Variants in EOGT observed in about 807,000 individuals in gnomAD.
The protein encoded by EOGT is EGF domain-specific O-linked N-acetylglucosamine transferase.
In EOGT, 55 loss-of-function variants were observed where a neutral mutation model predicts 70.5. The observed-to-expected ratio is 0.78, with a 90% CI of 0.63 to 0.98. EOGT has a LOEUF of 0.98. EOGT is among the 50% of genes least tolerant of loss of function. The pLI is 0.00. For synonymous variants in EOGT, 246 were observed against 217.1 expected (o/e 1.13, Z -1.17); for missense variants, 703 against 641.9 (o/e 1.10, Z -1.03).
chr3:68,979,830 A>C, intron 15 of EOGT, 43 bp from the exon 16 acceptor site: 3 of 1,600,950 alleles, frequency 1.9e-6, no homozygotes, highest in Non-Finnish European at 2.6e-6. Context: ...GGGAGAAGAG[A>C]GAAGTATTAG....
chr3:69,013,086 T>C (rs1183492774), intron 1 of EOGT, among the ~76,000 whole-genome samples: 1 of 151,970 alleles, frequency 6.6e-6, no homozygotes, highest in African/African-American at 2.4e-5. Context: ...AGCTGTCCGC[T>C]TGAACGTCAG....
At chr3:69,004,602 T>C in intron 7 of EOGT, 120 bp from the exon 8 acceptor site, 3 of 664,756 alleles carry the variant, frequency 4.5e-6, no homozygotes, top group South Asian at 3.8e-5. Flanking sequence ...AATTTAACTA[T>C]TTACAATAGA....
chr3:69,009,889 T>C, intron 3 of EOGT, 29 bp from the exon 4 acceptor site: 15 of 1,427,310 alleles, frequency 1.1e-5, no homozygotes, highest in Non-Finnish European at 1.4e-5. Context: ...ACAACTTTGT[T>C]AACAAATTTC....
intron 1 of EOGT, among the ~76,000 whole-genome samples, chr3:69,013,305 T>A (rs1364180562): frequency 1.3e-5 from 2 of 151,296 alleles, no homozygotes; most frequent in Admixed American, 6.6e-5. Context: ...GGAAACCTGG[T>A]CAACGCGGCT....
At chr3:68,983,481 G>A (rs563476859) in intron 14 of EOGT, among the ~76,000 whole-genome samples, 132 of 152,344 alleles carry the variant, frequency 8.7e-4, no homozygotes, top group Non-Finnish European at 1.5e-3. Flanking sequence ...ATGGTTCTCT[G>A]TCCCTCACAA....
intron 13 of EOGT, 25 bp from the exon 14 acceptor site, chr3:68,987,538 A>G (rs1457020158): frequency 1.9e-6 from 3 of 1,546,216 alleles, no homozygotes; most frequent in Non-Finnish European, 2.7e-6. Context: ...AAACGGTAAA[A>G]TAACACTGCA....
intron 12 of EOGT, 57 bp from the exon 13 acceptor site, chr3:68,988,438 A>G: frequency 6.7e-7 from 1 of 1,492,388 alleles, no homozygotes; most frequent in Non-Finnish European, 9.0e-7. Context: ...ATAATTTAAG[A>G]TACTGTCAAC....
chr3:68,986,921 G>C (rs1381015445), intron 14 of EOGT, among the ~76,000 whole-genome samples: 1 of 152,178 alleles, frequency 6.6e-6, no homozygotes, highest in Non-Finnish European at 1.5e-5. Context: ...GCTATCTTCA[G>C]GCCATGATGT....
At chr3:68,992,422 T>C (rs915789577) in intron 10 of EOGT, among the ~76,000 whole-genome samples, 3 of 152,214 alleles carry the variant, frequency 2.0e-5, no homozygotes, top group African/African-American at 2.4e-5. Context: ...AGCTCCAGAA[T>C]GATCTCCTTT....
chr3:69,009,615 G>A, intron 4 of EOGT, 22 bp downstream of exon 4: 1 of 1,580,178 alleles, frequency 6.3e-7, no homozygotes. Flanking sequence ...ATAAAAATAA[G>A]GAGAAAAGAA....
chr3:68,997,579 G>GTCTC (rs2091185778), intron 10 of EOGT, among the ~76,000 whole-genome samples: 1 of 152,152 alleles, frequency 6.6e-6, no homozygotes, highest in Non-Finnish European at 1.5e-5. Context: ...ATGTTGGCCA[G>GTCTC]GCTAGTCTCG....
At chr3:68,996,623 G>GCAT (rs992828771) in intron 10 of EOGT, among the ~76,000 whole-genome samples, 3 of 152,178 alleles carry the variant, frequency 2.0e-5, no homozygotes, top group African/African-American at 7.2e-5. Flanking sequence ...CTAAGCCAAG[G>GCAT]CATCGCCTGT....
intron 10 of EOGT, among the ~76,000 whole-genome samples, chr3:68,996,594 C>T (rs1005726762): frequency 1.3e-5 from 2 of 152,172 alleles, no homozygotes; most frequent in African/African-American, 4.8e-5. Context: ...GATGTTGGCC[C>T]CTACAGGATA....
In EOGT at chr3:68,998,073, A is replaced by G. The variant is rs1461864301; in HGVS notation, c.769T>C (p.Tyr257His). Residue 257 changes from tyrosine to histidine, a missense_variant, in exon 10 of 18, where the codon TAT becomes CAT. Transcript: ENST00000383701. ...GAGTTATTAACGTGCTGAGTAATAT[A>G]AAGATTGATGAAATCACAGAAGTGG... ...YHHFCDFINL[Y>H]ITQHVNNSFS... 1 of 1,601,234 alleles carries G rather than the reference A, an allele frequency of 6.2e-7. No homozygotes were observed.
Position 68,975,425 on chromosome 3 carries a change from A to C in EOGT, c.*2193T>G, listed in dbSNP as rs1388375811. 1 of 152,644 alleles carries C rather than the reference A, an allele frequency of 6.6e-6. No homozygotes were observed. Among genetic ancestry groups the C allele is most frequent in the African/African-American group, 2.4e-5 (1 of 41,464 alleles). The allele number at this position is 152,644 out of a possible 1,614,324, so 9.5% of individuals were successfully genotyped here. On this transcript the variant is annotated 3_prime_UTR_variant, in exon 18 of 18. Transcript: ENST00000383701. The stretch of plus-strand genomic sequence containing the variant: ...TTATATAAAATGTATTCTCTCTTCA[A>C]ATATAGCCGTTTTATTATGAAATTG...
At chr3:69,000,957 A>ATTT (rs765794230) in intron 9 of EOGT, among the ~76,000 whole-genome samples, 1 of 138,378 alleles carries the variant, frequency 7.2e-6, no homozygotes, top group Non-Finnish European at 1.6e-5. Flanking sequence ...ATGGCTTTTG[A>ATTT]TTTTTTTTTT....
chr3:68,990,735 A>AT (rs2090971434), intron 10 of EOGT, among the ~76,000 whole-genome samples: 1 of 152,212 alleles, frequency 6.6e-6, no homozygotes, highest in African/African-American at 2.4e-5. Flanking sequence ...AGATTGAAAA[A>AT]TTCAGCCAAT....
At chr3:68,995,084 G>T (rs2091107952) in intron 10 of EOGT, among the ~76,000 whole-genome samples, 1 of 152,150 alleles carries the variant, frequency 6.6e-6, no homozygotes, top group Non-Finnish European at 1.5e-5. Flanking sequence ...ATATCACCAA[G>T]ATGTGAACTG....
Position 68,975,268 on chromosome 3 carries a change from A to G in EOGT, c.*2350T>C, listed in dbSNP as rs1373993973. 1 of 152,646 alleles carries G rather than the reference A, an allele frequency of 6.6e-6. No homozygotes were observed. Among genetic ancestry groups the G allele is most frequent in the Admixed American group, 6.5e-5 (1 of 15,276 alleles). 9.5% of individuals were successfully genotyped at this position (152,646 alleles called of 1,614,324 possible). ...TGATTTATTCCAAAGCCATACCCAA[A>G]ACATACAATGAAATACATCCCTGTT... On this transcript the variant is annotated 3_prime_UTR_variant, in exon 18 of 18. Coordinates refer to ENST00000383701, the MANE Select transcript of EOGT (RefSeq NM_001278689.2).
Sources: allele counts gnomAD v4.1 joint callset (sites outside exome capture counted in the v4.1 genomes callset), GRCh38; gene constraint gnomAD v4.1.1; transcripts MANE v1.5; gene names NCBI Gene and HGNC (gene_info 2026-07-23, HGNC 2026-07-21).